The following EXOC4 variants were observed in gnomAD, a reference collection of about 807,000 sequenced individuals.
The protein encoded by EXOC4 is SEC8-like 1.
A neutral mutation model predicts 107.2 loss-of-function variants in EXOC4; 71 were observed. The observed-to-expected ratio is 0.66, with a 90% CI of 0.55 to 0.81. The LOEUF is 0.81. Among genes scored for constraint, EXOC4 ranks in the 30% least tolerant of loss-of-function variants. The probability of loss-of-function intolerance (pLI) is 0.00; values close to 1 mark genes in which losing one functional copy is unlikely to be tolerated. For synonymous variants in EXOC4, 456 were observed against 441.2 expected (o/e 1.03, Z -0.42); for missense variants, 1,108 against 1,189.6 (o/e 0.93, Z 1.01).
chr7:133,759,642 G>T (rs1795993574), intron 10 of EXOC4, among the ~76,000 whole-genome samples: 1 of 152,186 alleles, frequency 6.6e-6, no homozygotes, highest in Non-Finnish European at 1.5e-5. Flanking sequence ...TGCATATAAA[G>T]TTGTCATTAG....
rs775554325 is a variant in EXOC4 at position 133,817,401 on chromosome 7, T to C, written c.1591T>C (p.Tyr531His). The C allele has an allele frequency of 6.2e-7, 1 of 1,614,152 alleles. No individual in the cohort carries two copies. Among genetic ancestry groups the C allele is most frequent in the Non-Finnish European group, 8.5e-7 (1 of 1,179,994 alleles). Residue 531 changes from tyrosine to histidine, a missense_variant, in exon 11 of 18, where the codon TAC becomes CAC. Physicochemically the swap from Tyr to His is moderately conservative, Grantham distance 83 (BLOSUM62 2). Coordinates refer to ENST00000253861, the MANE Select transcript of EXOC4 (RefSeq NM_021807.4). ...QCPLREFLTV[Y>H]IKNIFLNQVL... is the part of the protein sequence containing the mutation. Reference sequence around the variant, plus strand: ...TCCTCTTCGAGAGTTTCTCACCGTGTACATCAAAAACATCTTTCTCAATCA... The same window carrying C: ...TCCTCTTCGAGAGTTTCTCACCGTGCACATCAAAAACATCTTTCTCAATCA...
chr7:133,475,424 G>A lies in EXOC4; in HGVS notation c.1279G>A (p.Ala427Thr). The A allele has an allele frequency of 1.9e-6, 3 of 1,614,036 alleles. No individual in the cohort carries two copies. The highest frequency in any genetic ancestry group is 2.5e-6 in the Non-Finnish European group (3 of 1,179,958). ...SYASTGREFA[A>T]FFAKKKPQRP... ...TGCCAGCACTGGACGAGAGTTTGCAGCCTTTTTTGCCAAGAAGAAACCTCA... is the reference window on the plus strand; with the variant it reads ...TGCCAGCACTGGACGAGAGTTTGCAACCTTTTTTGCCAAGAAGAAACCTCA... The change falls in exon 8 of 18, where the codon GCC becomes ACC. Residue 427 changes from alanine (A) to threonine (T), a missense_variant. Coordinates refer to ENST00000253861, the MANE Select transcript of EXOC4 (RefSeq NM_021807.4).
At chr7:133,637,734 C>A (rs991690299) in intron 10 of EXOC4, among the ~76,000 whole-genome samples, 3 of 152,146 alleles carry the variant, frequency 2.0e-5, no homozygotes, top group African/African-American at 7.2e-5. Context: ...ATTTGAGTAA[C>A]TTCTTTTGAA....
At chr7:134,087,553 C>T in the EXOC4 span, among the ~76,000 whole-genome samples, 5 of 152,262 alleles carry the variant, frequency 3.3e-5, no homozygotes, top group Admixed American at 6.5e-5. Context: ...AGAAGGCTTT[C>T]CATGAACTGG....
At chr7:133,575,409 TAA>T (rs2150962583) in intron 9 of EXOC4, among the ~76,000 whole-genome samples, 1 of 152,360 alleles carries the variant, frequency 6.6e-6, no homozygotes, top group African/African-American at 2.4e-5. Flanking sequence ...ACACTAACTT[TAA>T]AATAGTCCCC....
At chr7:133,804,737 T>A (rs1125227) in intron 10 of EXOC4, among the ~76,000 whole-genome samples, 131,961 of 152,222 alleles carry the variant, frequency 0.87, 57,367 homozygotes, top group East Asian at 0.99. Context: ...TCACTAAATT[T>A]CACGTTTGAG....
At chr7:133,889,677 G>GT (rs1799167286) in intron 11 of EXOC4, among the ~76,000 whole-genome samples, 1 of 99,066 alleles carries the variant, frequency 1.0e-5, no homozygotes, top group African/African-American at 4.0e-5. Context: ...GCGGTGTTTG[G>GT]TTTTTTGTTC....
In EXOC4 at chr7:133,314,006, A is replaced by G. The variant is rs77698124; in HGVS notation, c.657-3278A>G. ...ATTTGTAATCATGTATTTAAAATGA[A>G]AAATAACTGTCAGTATTTCCAAAAT... On this transcript the variant is annotated intron_variant, in intron 4 of 17. Coordinates refer to ENST00000253861, the MANE Select transcript of EXOC4 (RefSeq NM_021807.4). Among the ~76,000 whole-genome samples, 16 of 152,318 alleles carry G rather than the reference A, an allele frequency of 1.1e-4. No individual in the cohort carries two copies. In the East Asian group the frequency reaches 3.1e-3, roughly 29 times the overall value.
chr7:133,389,432 G>T (rs1180246160), intron 7 of EXOC4, among the ~76,000 whole-genome samples: 1 of 151,944 alleles, frequency 6.6e-6, no homozygotes, highest in Admixed American at 6.6e-5. Context: ...AACTAGCCGG[G>T]TGTGGTGGTG....
At chr7:133,420,456 C>T (rs1432278688) in intron 7 of EXOC4, among the ~76,000 whole-genome samples, 1 of 152,144 alleles carries the variant, frequency 6.6e-6, no homozygotes, top group East Asian at 1.9e-4. Flanking sequence ...CTTGCTTCTT[C>T]AAAGCCAGCA....
intron 11 of EXOC4, among the ~76,000 whole-genome samples, chr7:133,854,812 T>TAA (rs879480850): frequency 1.5e-5 from 2 of 136,334 alleles, no homozygotes; most frequent in Non-Finnish European, 1.6e-5. Context: ...TAGAAGCCAA[T>TAA]AAAAAAAAAA....
At chr7:133,538,857 AAGAGAG>A (rs1554469398) in intron 9 of EXOC4, among the ~76,000 whole-genome samples, 21 of 72,190 alleles carry the variant, frequency 2.9e-4, no homozygotes, top group African/African-American at 8.6e-4. Flanking sequence ...GAAAGAAAGA[AAGAGAG>A]AGAGAGAGAG....
chr7:133,511,630 G>A (rs1162784166), intron 9 of EXOC4, among the ~76,000 whole-genome samples: 1 of 152,094 alleles, frequency 6.6e-6, no homozygotes, highest in Non-Finnish European at 1.5e-5. Context: ...GCATATTTTG[G>A]GGTGACATAT....
chr7:133,487,814 TATATCTC>T (rs1158663817), intron 9 of EXOC4, among the ~76,000 whole-genome samples: 2 of 152,194 alleles, frequency 1.3e-5, no homozygotes, highest in African/African-American at 4.8e-5. Context: ...AAAGTTAACT[TATATCTC>T]ATATTTTCAA....
chr7:133,855,144 A>AATATATATATAT (rs1235510935), intron 11 of EXOC4, among the ~76,000 whole-genome samples: 1 of 96,502 alleles, frequency 1.0e-5, no homozygotes, highest in African/African-American at 5.8e-5. Flanking sequence ...TATATATATA[A>AATATATATATAT]ATATATATAT....
chr7:133,541,777 TG>T (rs1428220735), intron 9 of EXOC4, among the ~76,000 whole-genome samples: 3 of 152,130 alleles, frequency 2.0e-5, no homozygotes, highest in Non-Finnish European at 2.9e-5. Flanking sequence ...TCTTAGTGGA[TG>T]TTGGCCTCTA....
intron 10 of EXOC4, among the ~76,000 whole-genome samples, chr7:133,691,119 T>G (rs1298535322): frequency 6.6e-6 from 1 of 152,234 alleles, no homozygotes; most frequent in Non-Finnish European, 1.5e-5. Context: ...GGGTAGTATA[T>G]CCTCATCTCC....
chr7:133,456,640 G>GGT (rs566759993), intron 7 of EXOC4, among the ~76,000 whole-genome samples: 130 of 152,272 alleles, frequency 8.5e-4, no homozygotes, highest in African/African-American at 2.9e-3. Context: ...CTTGAAGGCA[G>GGT]GTGTACCTTC....
chr7:133,650,937 G>GTTTTTTTTTTTTTTTTTTTTTT, intron 10 of EXOC4, among the ~76,000 whole-genome samples: 1 of 88,694 alleles, frequency 1.1e-5, no homozygotes, highest in Non-Finnish European at 2.2e-5. Flanking sequence ...AGATTGGTCA[G>GTTTTTTTTTTTTTTTTTTTTTT]TTTTTTTTTT....
Sources: allele counts gnomAD v4.1 joint callset (sites outside exome capture counted in the v4.1 genomes callset), GRCh38; gene constraint gnomAD v4.1.1; transcripts MANE v1.5; gene names NCBI Gene and HGNC (gene_info 2026-07-23, HGNC 2026-07-21).